LSS: variants seen among roughly 807,000 people sequenced by gnomAD.
LSS encodes the protein lanosterol synthase.
A neutral mutation model predicts 110.3 loss-of-function variants in LSS; 90 were observed. That is an observed-to-expected ratio of 0.82 (90% CI 0.69 to 0.97). LSS has a LOEUF of 0.97. Ranked by LOEUF, LSS falls within the 50% of genes least tolerant of loss-of-function variation. The pLI is 0.00. For synonymous variants in LSS, 433 were observed against 400.0 expected (o/e 1.08, Z -0.98); for missense variants, 927 against 990.0 (o/e 0.94, Z 0.85).
chr21:46,207,359 T>G, intron 15 of LSS, 69 bp downstream of exon 15: 1 of 1,562,938 alleles, frequency 6.4e-7, no homozygotes, highest in South Asian at 1.2e-5. Context: ...CCCACAGGAG[T>G]GGAAGTGAGC....
At position 46,209,634 on chromosome 21, in the gene LSS, G is replaced by C; in HGVS notation, c.1195-9C>G. ...CTGTGGTGCCCGCCCGCCTGGAAGA[G>C]ACAGCAGGACAGAGAGGCTCAGCTG... On this transcript the variant is annotated splice_polypyrimidine_tract_variant and intron_variant, in intron 12 of 21. Transcript: ENST00000397728. This position sits in a 1 kb window ranked among gnomAD's most constrained non-coding sequence, Gnocchi z 4.4. 6.2e-7 allele frequency: 1 copy of C among 1,606,224 alleles called. No homozygotes were observed. The highest frequency in any genetic ancestry group is 1.3e-5 in the African/African-American group (1 of 74,976).
rs76715041 is a variant in LSS at position 46,191,631 on chromosome 21, G to A, written c.2067+250C>T. 0.026 allele frequency among the ~76,000 whole-genome samples: 3,967 copies of A among 152,244 alleles called. 66 individuals carry two copies. Among genetic ancestry groups the A allele is most frequent in the African/African-American group, 0.037 (1,546 of 41,530 alleles). On this transcript the variant is annotated intron_variant, in intron 21 of 21. Coordinates refer to ENST00000397728, the MANE Select transcript of LSS (RefSeq NM_002340.6). ...CTGTCCTGCAGCAAAAAGGCTTCCCGCCCACTGGCTTCTCCCATCCAGCTC... is the reference window on the plus strand; with the variant it reads ...CTGTCCTGCAGCAAAAAGGCTTCCCACCCACTGGCTTCTCCCATCCAGCTC...
At chr21:46,201,728 T>C (rs73384689) in intron 17 of LSS, among the ~76,000 whole-genome samples, 2,648 of 152,196 alleles carry the variant, frequency 0.017, 68 homozygotes, top group African/African-American at 0.059. Flanking sequence ...AATAGAATAT[T>C]CCATATAAAT....
chr21:46,206,175 T>C (rs1207285116), intron 16 of LSS, among the ~76,000 whole-genome samples: 2 of 152,120 alleles, frequency 1.3e-5, no homozygotes, highest in Admixed American at 6.5e-5. Context: ...CAAAAAGCCA[T>C]GTGTGATGTG....
At chr21:46,225,267 A>T (rs1013979770) in intron 3 of LSS, 16 of 355,930 alleles carry the variant, frequency 4.5e-5, no homozygotes, top group African/African-American at 3.0e-4. Flanking sequence ...CATAGTGAGA[A>T]GTGACCAGAA....
chr21:46,218,292 G>C (rs2123749254), intron 6 of LSS, among the ~76,000 whole-genome samples: 1 of 152,148 alleles, frequency 6.6e-6, no homozygotes, highest in African/African-American at 2.4e-5. Context: ...GTTTTCTGGG[G>C]AGATGTCCAC....
chr21:46,202,868 C>A (rs1030549037), intron 17 of LSS, among the ~76,000 whole-genome samples: 1 of 152,162 alleles, frequency 6.6e-6, no homozygotes, highest in Non-Finnish European at 1.5e-5. Context: ...CAGAGTGAGA[C>A]CCTGCTTCAA....
rs1196851859 is a variant in LSS at position 46,195,672 on chromosome 21, T to G, written c.1817+4A>C. 6.2e-7 allele frequency: 1 copy of G among 1,613,308 alleles called. No homozygotes were observed. Among genetic ancestry groups the G allele is most frequent in the South Asian group, 1.1e-5 (1 of 91,066 alleles). ...CACCCACCAGAGGACAGGCACTCAC[T>G]CACCCATCTCGGTAGGTCTGCCCCA... is the stretch of plus-strand genomic sequence containing the variant. On this transcript the variant is annotated splice_donor_region_variant and intron_variant, in intron 19 of 21. Coordinates refer to ENST00000397728, the MANE Select transcript of LSS (RefSeq NM_002340.6).
chr21:46,214,837 G>A (rs1421310962), intron 9 of LSS, among the ~76,000 whole-genome samples: 1 of 152,178 alleles, frequency 6.6e-6, no homozygotes, highest in African/African-American at 2.4e-5. Flanking sequence ...TGTTTGGGGA[G>A]AGGGAACCAA....
intron 6 of LSS, among the ~76,000 whole-genome samples, chr21:46,218,554 G>C (rs910672268): frequency 1.1e-4 from 16 of 151,972 alleles, no homozygotes; most frequent in African/African-American, 3.6e-4. Context: ...AATCCAGGAG[G>C]CGGAGGTTGC....
intron 6 of LSS, among the ~76,000 whole-genome samples, chr21:46,219,136 G>T (rs1601444469): frequency 6.6e-6 from 1 of 152,258 alleles, no homozygotes; most frequent in African/African-American, 2.4e-5. Context: ...CAGCAACACA[G>T]GACGCCCCTG....
chr21:46,212,532 T>C (rs557407887), intron 11 of LSS, among the ~76,000 whole-genome samples: 31 of 152,178 alleles, frequency 2.0e-4, no homozygotes, highest in Admixed American at 7.2e-4. Flanking sequence ...CCCCTCTCCT[T>C]GTGCTTGGTG....
Position 46,189,136 on chromosome 21 carries a change from G to A in LSS, c.*1968C>T, listed in dbSNP as rs1267019323. Reference sequence around the variant, plus strand: ...ACAGTGTGACAGGCTTCTGATAAGGGAATCAATGTCTGTTTATTAAGGCAG... The same window carrying A: ...ACAGTGTGACAGGCTTCTGATAAGGAAATCAATGTCTGTTTATTAAGGCAG... On this transcript the variant is annotated 3_prime_UTR_variant, in exon 22 of 22. Coordinates refer to ENST00000397728, the MANE Select transcript of LSS (RefSeq NM_002340.6). 1 of 224,196 alleles carries A rather than the reference G, an allele frequency of 4.5e-6. No individual in the cohort carries two copies. The highest frequency in any genetic ancestry group is 2.3e-5 in the African/African-American group (1 of 43,684). The allele number at this position is 224,196 out of a possible 1,614,324, so 13.9% of individuals were successfully genotyped here.
chr21:46,211,424 T>C (rs752649391), intron 11 of LSS, among the ~76,000 whole-genome samples: 10 of 152,224 alleles, frequency 6.6e-5, no homozygotes, highest in African/African-American at 2.2e-4. Context: ...CCACCGCACC[T>C]GGCCAATGAT....
chr21:46,225,906 T>TA (rs2080333911), intron 3 of LSS, among the ~76,000 whole-genome samples: 1 of 152,154 alleles, frequency 6.6e-6, no homozygotes, highest in African/African-American at 2.4e-5. Context: ...GTCTTGGTGG[T>TA]AGTGGTCCCC....
At chr21:46,210,440 TCC>T (rs2080114320) in intron 12 of LSS, among the ~76,000 whole-genome samples, 1 of 151,756 alleles carries the variant, frequency 6.6e-6, no homozygotes, top group Non-Finnish European at 1.5e-5. Flanking sequence ...TTCACCAGAC[TCC>T]CCTTCTCACA....
Position 46,189,032 on chromosome 21 carries a change from T to C in LSS, c.*2072A>G, listed in dbSNP as rs1007662266. 2 of 299,826 alleles carry C rather than the reference T, an allele frequency of 6.7e-6. No homozygotes were observed. The highest frequency in any genetic ancestry group is 1.7e-4 in the East Asian group (2 of 11,968). 18.6% of individuals were successfully genotyped at this position (299,826 alleles called of 1,614,324 possible). A position where few individuals can be genotyped will look rare whatever the true frequency, so the allele number is the denominator to read the frequency against. ...CTTGTTCCCTAAACCAGGCTGGGCCTCCCACTCGCCCCACAGGCAGGTGAC... is the reference window on the plus strand; with the variant it reads ...CTTGTTCCCTAAACCAGGCTGGGCCCCCCACTCGCCCCACAGGCAGGTGAC... On this transcript the variant is annotated 3_prime_UTR_variant, in exon 22 of 22. Coordinates refer to ENST00000397728, the MANE Select transcript of LSS (RefSeq NM_002340.6).
At chr21:46,202,248 G>A (rs914645805) in intron 17 of LSS, among the ~76,000 whole-genome samples, 9 of 144,402 alleles carry the variant, frequency 6.2e-5, no homozygotes, top group African/African-American at 2.2e-4. Context: ...CAAAAAATTA[G>A]CCGGGCGTAG....
chr21:46,225,447 A>AGGTTCCC (rs1371168377), intron 3 of LSS: 28 of 450,056 alleles, frequency 6.2e-5, no homozygotes, highest in South Asian at 4.4e-4. Context: ...ATACCGGGAA[A>AGGTTCCC]GGGAATCTCC....
Sources: gnomAD v4.1 joint callset for allele counts (sites outside exome capture counted in the v4.1 genomes callset) on GRCh38, gnomAD v4.1.1 for gene constraint, Gnocchi (gnomAD v3.1) non-coding constraint, MANE v1.5 for transcripts, NCBI Gene and HGNC (gene_info 2026-07-23, HGNC 2026-07-21) for gene names.